Variants in TNKS observed in about 807,000 individuals in gnomAD.
TNKS encodes tankyrase, also known as poly [ADP-ribose] polymerase tankyrase-1.
In TNKS, 72 loss-of-function variants were observed where a neutral mutation model predicts 135.8. The observed-to-expected ratio is 0.53, with a 90% confidence interval of 0.44 to 0.64. TNKS has a LOEUF of 0.64. Among genes scored for constraint, TNKS ranks in the 30% least tolerant of loss-of-function variants. The pLI is 0.00. For missense variants in TNKS, 1,769 were observed against 1,674.0 expected (o/e 1.06, Z -0.99); for synonymous variants, 849 against 649.3 (o/e 1.31, Z -4.68).
rs368132121 is a variant in TNKS, at chr8:9,704,645, G to T, written c.1108-18G>T. On this transcript the variant is annotated intron_variant, in intron 5 of 26. Coordinates refer to ENST00000310430, the MANE Select transcript of TNKS (RefSeq NM_003747.3). ...TTTGTTTGTTTTTACCTGAAAAGGGGATGTTTTTCTTTTCTAGTCGACTCC... is the reference window on the plus strand; with the variant it reads ...TTTGTTTGTTTTTACCTGAAAAGGGTATGTTTTTCTTTTCTAGTCGACTCC... 9 of 1,590,352 alleles carry T rather than the reference G, an allele frequency of 5.7e-6. No individual in the cohort carries two copies. In the African/African-American group the frequency reaches 1.2e-4, roughly 21 times the overall value.
chr8:9,637,943 A>G (rs954398788), intron 3 of TNKS, among the ~76,000 whole-genome samples: 15 of 152,056 alleles, frequency 9.9e-5, no homozygotes, highest in African/African-American at 3.6e-4. Context: ...CCTTCTGAAT[A>G]TTTGAACTCT....
At chr8:9,570,865 A>T (rs1420903562) in intron 1 of TNKS, among the ~76,000 whole-genome samples, 6 of 152,280 alleles carry the variant, frequency 3.9e-5, no homozygotes, top group South Asian at 2.1e-4. Context: ...GCTACTAGAG[A>T]GGCTGAGGTG....
chr8:9,663,670 A>G (rs1296168968), intron 3 of TNKS, among the ~76,000 whole-genome samples: 2 of 152,224 alleles, frequency 1.3e-5, no homozygotes, highest in African/African-American at 4.8e-5. Context: ...GGGGGTTCCC[A>G]TGACCTCTTC....
intron 2 of TNKS, among the ~76,000 whole-genome samples, chr8:9,595,124 G>A (rs569314688): frequency 6.7e-6 from 1 of 149,230 alleles, no homozygotes; most frequent in East Asian, 2.0e-4. Context: ...ACCTGAATTG[G>A]TATTTTTTTT....
rs1803965633 is a variant in TNKS at position 9,704,662 on chromosome 8, G to A, written c.1108-1G>A. 1 of 1,609,928 alleles carries A rather than the reference G, an allele frequency of 6.2e-7. No homozygotes were observed. Among genetic ancestry groups the A allele is most frequent in the Non-Finnish European group, 8.5e-7 (1 of 1,177,786 alleles). ...GAAAAGGGGATGTTTTTCTTTTCTA[G>A]TCGACTCCTTTACATCTAGCAGCGG... On this transcript the variant is annotated splice_acceptor_variant, in intron 5 of 26. Transcript: ENST00000310430. LOFTEE classifies it high-confidence loss of function.
At chr8:9,671,068 C>T (rs915779104) in intron 3 of TNKS, 2 of 152,116 alleles carry the variant, frequency 1.3e-5, no homozygotes, top group Non-Finnish European at 2.9e-5. Context: ...TTGGTATCTG[C>T]AGTGGTGAAA....
At position 9,701,807 on chromosome 8, in the gene TNKS, A is replaced by G. The variant is rs552407537; in HGVS notation, c.1108-2856A>G. On this transcript the variant is annotated intron_variant, in intron 5 of 26. Transcript: ENST00000310430. ...TGGGAGTTTGGGGAGACTAAGGTGG[A>G]AGGAGTTAGCAAGGCAGTGGGCCAG... 2.6e-5 allele frequency among the ~76,000 whole-genome samples: 4 copies of G among 152,300 alleles called. No individual in the cohort carries two copies. The South Asian group carries it at 6.2e-4, about 24-fold the overall frequency.
chr8:9,681,147 G>C (rs187480208), intron 5 of TNKS: 15 of 170,700 alleles, frequency 8.8e-5, no homozygotes, highest in Non-Finnish European at 1.9e-4. Flanking sequence ...TCTTTGTTAA[G>C]ACATTTGTGT....
At position 9,602,535 on chromosome 8, in the gene TNKS, T is replaced by G. The variant is rs149504045; in HGVS notation, c.899-13047T>G. Among the ~76,000 whole-genome samples the G allele has an allele frequency of 1.9e-3, 291 of 152,306 alleles. 1 individual carries two copies. The highest frequency in any genetic ancestry group is 6.6e-3 in the African/African-American group (275 of 41,556). On this transcript the variant is annotated intron_variant, in intron 2 of 26. Transcript: ENST00000310430. ...ACTCAGATTAACTGAGGTTCATGTC[T>G]TTATCATTGTAGCCTGTGAGGATAC...
At chr8:9,745,172 C>G (rs2128824653) in intron 17 of TNKS, among the ~76,000 whole-genome samples, 1 of 152,172 alleles carries the variant, frequency 6.6e-6, no homozygotes, top group Middle Eastern at 3.4e-3. Context: ...AACATATAGC[C>G]TTTGAATAAG....
chr8:9,735,364 T>G lies in TNKS; in HGVS notation c.2534-13T>G. On this transcript the variant is annotated splice_polypyrimidine_tract_variant and intron_variant, in intron 16 of 26. Coordinates refer to ENST00000310430, the MANE Select transcript of TNKS (RefSeq NM_003747.3). Reference sequence around the variant, plus strand: ...AGCTGACACGTTTCCTGTATTTTTTTTACTCTAAATAGCAGGCTATAATAA... The same window carrying G: ...AGCTGACACGTTTCCTGTATTTTTTGTACTCTAAATAGCAGGCTATAATAA... The G allele has an allele frequency of 6.2e-7, 1 of 1,608,004 alleles. No individual in the cohort carries two copies. The highest frequency in any genetic ancestry group is 8.5e-7 in the Non-Finnish European group (1 of 1,175,362).
At chr8:9,729,922 A>T (rs1471598446) in intron 13 of TNKS, among the ~76,000 whole-genome samples, 5 of 151,684 alleles carry the variant, frequency 3.3e-5, no homozygotes, top group Admixed American at 3.3e-4. Context: ...GACTACAGGC[A>T]CGCGCCACCA....
chr8:9,742,792 A>G (rs1585404663), intron 17 of TNKS, among the ~76,000 whole-genome samples: 1 of 149,878 alleles, frequency 6.7e-6, no homozygotes, highest in East Asian at 1.9e-4. Context: ...ATATATACTT[A>G]TATATTTAAG....
chr8:9,717,101 A>ATATATATATATATATATTTTTTTTTTTT (rs1454492300), intron 11 of TNKS, among the ~76,000 whole-genome samples: 5 of 119,330 alleles, frequency 4.2e-5, no homozygotes, highest in African/African-American at 1.2e-4. Flanking sequence ...ATATATATAT[A>ATATATATATATATATATTTTTTTTTTTT]TTTTCAGGGA....
In TNKS at chr8:9,745,506, G is replaced by A. The variant is rs539111008; in HGVS notation, c.2644-2518G>A. On this transcript the variant is annotated intron_variant, in intron 17 of 26. Coordinates refer to ENST00000310430, the MANE Select transcript of TNKS (RefSeq NM_003747.3). ...TGCAATCTCCGTCTCCCAGATTCAA[G>A]CGATTCTCCTGCCTCAGCCTCCCAA... Among the ~76,000 whole-genome samples the A allele has an allele frequency of 5.9e-5, 9 of 152,216 alleles. No individual in the cohort carries two copies. The South Asian group carries it at 1.0e-3, about 18-fold the overall frequency.
intron 5 of TNKS, among the ~76,000 whole-genome samples, chr8:9,699,756 T>C (rs1256455468): frequency 1.3e-5 from 2 of 152,204 alleles, no homozygotes; most frequent in African/African-American, 2.4e-5. Context: ...GTTCAGGCCT[T>C]CCTGCCATAG....
chr8:9,782,116 G>A lies in TNKS; in HGVS notation c.*5380G>A, dbSNP rs1245862584. ...CTGTGGTCATGGGAAATCACCTACA[G>A]CATGTTAAAGTCCTCTAGTCATCAT... On this transcript the variant is annotated 3_prime_UTR_variant, in exon 27 of 27. Transcript: ENST00000310430. The A allele has an allele frequency of 6.6e-6, 1 of 152,410 alleles. No homozygotes were observed. Among genetic ancestry groups the A allele is most frequent in the African/African-American group, 2.4e-5 (1 of 41,418 alleles). 9.4% of individuals were successfully genotyped at this position (152,410 alleles called of 1,614,324 possible).
At chr8:9,746,699 G>T (rs1329325054) in intron 17 of TNKS, among the ~76,000 whole-genome samples, 1 of 151,972 alleles carries the variant, frequency 6.6e-6, no homozygotes, top group Admixed American at 6.6e-5. Flanking sequence ...GCCCTCCATA[G>T]GTATTGAGCA....
At chr8:9,762,780 C>T (rs1475977347) in intron 21 of TNKS, among the ~76,000 whole-genome samples, 2 of 151,730 alleles carry the variant, frequency 1.3e-5, no homozygotes, top group African/African-American at 4.9e-5. Flanking sequence ...TGGTGGGCGC[C>T]TGTAATCCCA....
Sources: gnomAD v4.1 joint callset for allele counts (sites outside exome capture counted in the v4.1 genomes callset) on GRCh38, gnomAD v4.1.1 for gene constraint, MANE v1.5 for transcripts, NCBI Gene and HGNC (gene_info 2026-07-23, HGNC 2026-07-21) for gene names.